PRH1: variants seen among roughly 807,000 people sequenced by gnomAD.
PRH1 encodes proline rich protein HaeIII subfamily 1.
PRH1 carries 7 observed loss-of-function variants against 7.9 expected under a neutral mutation model. The observed-to-expected ratio is 0.89, with a 90% CI of 0.50 to 1.67. The LOEUF (loss-of-function observed/expected upper bound fraction) is 1.67. Ranked by LOEUF, PRH1 falls within the 40% of genes most tolerant of loss-of-function variation. The pLI is 0.00. For synonymous variants in PRH1, 45 were observed against 80.8 expected (o/e 0.56, Z 2.38); for missense variants, 109 against 223.6 (o/e 0.49, Z 3.27).
At chr12:10,918,651 G>A (rs1950005888) in intron 2 of PRH1, among the ~76,000 whole-genome samples, 1 of 152,170 alleles carries the variant, frequency 6.6e-6, no homozygotes, top group African/African-American at 2.4e-5. Context: ...AGCATTAAAC[G>A]AGACTGCTCG....
intron 2 of PRH1, among the ~76,000 whole-genome samples, chr12:10,953,520 C>A (rs765255930): frequency 2.6e-5 from 4 of 152,014 alleles, no homozygotes; most frequent in Non-Finnish European, 4.4e-5. Flanking sequence ...TCTCAGAGCT[C>A]AAGAGTAGTC....
chr12:11,067,240 C>T (rs1296655355), intron 1 of PRH1, among the ~76,000 whole-genome samples: 1 of 152,040 alleles, frequency 6.6e-6, no homozygotes, highest in Non-Finnish European at 1.5e-5. Context: ...TTTATATTAA[C>T]AAAATATTTT....
intron 1 of PRH1, among the ~76,000 whole-genome samples, chr12:11,154,212 C>T (rs1264113556): frequency 6.6e-6 from 1 of 152,102 alleles, no homozygotes; most frequent in Non-Finnish European, 1.5e-5. Flanking sequence ...TCTTTTAATT[C>T]TCCCATCAGT....
intron 1 of PRH1, among the ~76,000 whole-genome samples, chr12:11,170,599 T>C (rs991376554): frequency 6.6e-6 from 1 of 152,238 alleles, no homozygotes; most frequent in Non-Finnish European, 1.5e-5. Context: ...ATTCCAGCTC[T>C]TGGAGCCTAG....
intron 2 of PRH1, among the ~76,000 whole-genome samples, chr12:10,892,300 A>G (rs984189190): frequency 6.6e-6 from 1 of 152,212 alleles, no homozygotes; most frequent in Non-Finnish European, 1.5e-5. Flanking sequence ...GTTGCCAAAG[A>G]TTGTAGAGTA....
At position 11,133,887 on chromosome 12, in the gene PRH1, G is replaced by A. The variant is rs111498087; in HGVS notation, n.40-12707C>T. 1.3e-3 allele frequency: 2,033 copies of A among 1,614,078 alleles called. 19 individuals carry two copies. The highest frequency in any genetic ancestry group is 0.01 in the South Asian group (934 of 91,086). On this transcript the variant is annotated intron_variant and non_coding_transcript_variant, in intron 1 of 1. Transcript: ENST00000541175. Reference sequence around the variant, plus strand: ...ACACTCTTAACTCTCCTCTTTATGCGAAGAAAAATAAGGTTGGAGAAATTG... The same window carrying A: ...ACACTCTTAACTCTCCTCTTTATGCAAAGAAAAATAAGGTTGGAGAAATTG...
At chr12:11,067,031 ATAGCATCAT>A (rs1943850673) in intron 1 of PRH1, among the ~76,000 whole-genome samples, 2 of 152,292 alleles carry the variant, frequency 1.3e-5, no homozygotes, top group South Asian at 4.1e-4. Context: ...TCATCTTTTA[ATAGCATCAT>A]TAGCAAGCCA....
intron 2 of PRH1, among the ~76,000 whole-genome samples, chr12:10,967,946 T>C (rs1191394284): frequency 6.6e-6 from 1 of 152,208 alleles, no homozygotes; most frequent in Non-Finnish European, 1.5e-5. Context: ...TAGGGTGTGG[T>C]GGCACGTGCC....
intron 1 of PRH1, chr12:10,986,718 AG>A: frequency 1.2e-6 from 2 of 1,613,364 alleles, no homozygotes; most frequent in Admixed American, 3.3e-5. Flanking sequence ...CAGAGCAGTG[AG>A]AATTTGGTCA....
chr12:11,113,919 C>T (rs1366114027), intron 1 of PRH1, among the ~76,000 whole-genome samples: 2 of 152,164 alleles, frequency 1.3e-5, no homozygotes, highest in Non-Finnish European at 2.9e-5. Context: ...AGCTCATCAT[C>T]ACTGCTCATT....
At chr12:11,150,703 G>C (rs1947053387) in intron 1 of PRH1, among the ~76,000 whole-genome samples, 1 of 152,134 alleles carries the variant, frequency 6.6e-6, no homozygotes, top group Non-Finnish European at 1.5e-5. Context: ...ATAGCATTAG[G>C]AGATATACCT....
intron 2 of PRH1, among the ~76,000 whole-genome samples, chr12:10,909,948 C>A (rs1949871210): frequency 6.6e-6 from 1 of 152,198 alleles, no homozygotes; most frequent in Middle Eastern, 3.2e-3. Flanking sequence ...GTGCTCACCA[C>A]CATCCCTCCA....
intron 2 of PRH1, among the ~76,000 whole-genome samples, chr12:10,899,081 C>A (rs571405233): frequency 6.6e-6 from 1 of 152,308 alleles, no homozygotes; most frequent in South Asian, 2.1e-4. Context: ...TGATTTCTCC[C>A]TTTTGGAATG....
At chr12:11,147,699 A>G (rs548023078) in intron 1 of PRH1, among the ~76,000 whole-genome samples, 86 of 152,300 alleles carry the variant, frequency 5.6e-4, no homozygotes, top group Non-Finnish European at 9.8e-4. Context: ...ATGAGTTTAT[A>G]TTGCTTGTCC....
intron 1 of PRH1, among the ~76,000 whole-genome samples, chr12:11,114,478 C>A (rs1197391717): frequency 1.3e-5 from 2 of 151,914 alleles, no homozygotes; most frequent in Non-Finnish European, 2.9e-5. Flanking sequence ...ACAGGGAGGA[C>A]ACAGGGAACG....
At chr12:11,151,992 T>C (rs1325435229) in intron 1 of PRH1, among the ~76,000 whole-genome samples, 1 of 152,080 alleles carries the variant, frequency 6.6e-6, no homozygotes, top group Non-Finnish European at 1.5e-5. Flanking sequence ...ATAGCAATAA[T>C]ACATAGGTAT....
At chr12:11,044,453 T>C (rs1290533772) in intron 1 of PRH1, among the ~76,000 whole-genome samples, 1 of 151,782 alleles carries the variant, frequency 6.6e-6, no homozygotes. Context: ...TGACATCAAG[T>C]TAAAAAATAC....
chr12:10,881,873 A>G (rs765713586), intron 3 of PRH1, among the ~76,000 whole-genome samples: 3 of 152,178 alleles, frequency 2.0e-5, no homozygotes, highest in Non-Finnish European at 4.4e-5. Flanking sequence ...AGGACTGAGC[A>G]AAGCATGTTC....
chr12:10,888,277 C>A (rs1471336095), upstream of PRH1, among the ~76,000 whole-genome samples: 2 of 152,076 alleles, frequency 1.3e-5, no homozygotes, highest in East Asian at 3.8e-4. Context: ...TGTAATTTCC[C>A]TTTGTCATGT....
Sources: gnomAD v4.1 joint callset for allele counts (sites outside exome capture counted in the v4.1 genomes callset) on GRCh38, gnomAD v4.1.1 for gene constraint, MANE v1.5 for transcripts, NCBI Gene and HGNC (gene_info 2026-07-23, HGNC 2026-07-21) for gene names.